TTC34: variants seen among roughly 807,000 people sequenced by gnomAD.
TTC34 encodes tetratricopeptide repeat domain 34, also known as tetratricopeptide repeat protein 34.
In TTC34, 44 loss-of-function variants were observed where a neutral mutation model predicts 40.7. The observed-to-expected ratio is 1.08, with a 90% confidence interval of 0.85 to 1.39. TTC34 has a LOEUF of 1.39. TTC34 is among the 40% of genes most tolerant of loss of function. TTC34 has a pLI of 0.00. For missense variants in TTC34, 884 were observed against 838.0 expected (o/e 1.05, Z -0.68); for synonymous variants, 422 against 398.6 (o/e 1.06, Z -0.70).
In TTC34 at chr1:2,752,070, G is replaced by T. The variant is rs1252823104; in HGVS notation, c.2226+31539C>A. On this transcript the variant is annotated intron_variant, in intron 6 of 8. Transcript: ENST00000401095. ...GACACCCCCAGGCGAACATCTGAACGCACGGAGCAGCACCCACACCTTCAG... is the reference window on the plus strand; with the variant it reads ...GACACCCCCAGGCGAACATCTGAACTCACGGAGCAGCACCCACACCTTCAG... Among the ~76,000 whole-genome samples, 2 of 95,312 alleles carry T rather than the reference G, an allele frequency of 2.1e-5. 1 individual carries two copies. Among genetic ancestry groups the T allele is most frequent in the African/African-American group, 1.0e-4 (2 of 19,562 alleles). The allele number at this position is 95,312 out of a possible 152,430, so 62.5% of individuals were successfully genotyped here. A position where few individuals can be genotyped will look rare whatever the true frequency, so the allele number is the denominator to read the frequency against.
At chr1:2,760,040 A>AGC (rs1641644744) in intron 6 of TTC34, among the ~76,000 whole-genome samples, 4 of 84,120 alleles carry the variant, frequency 4.8e-5, no homozygotes, top group Non-Finnish European at 8.9e-5. Flanking sequence ...CAGCGCCCAC[A>AGC]CACCCAAGTG....
At chr1:2,798,801 CT>C in intron 2 of TTC34, among the ~76,000 whole-genome samples, 8 of 125,750 alleles carry the variant, frequency 6.4e-5, no homozygotes, top group East Asian at 2.5e-4. Flanking sequence ...CTCCCAGCCT[CT>C]CAGCCTTCAA....
chr1:2,749,945 G>C (rs1187866562), intron 6 of TTC34, among the ~76,000 whole-genome samples: 1 of 69,608 alleles, frequency 1.4e-5, no homozygotes, highest in African/African-American at 7.8e-5. Flanking sequence ...GCATCTGACG[G>C]CCTGGAACAG....
At chr1:2,752,873 T>G (rs1355571029) in intron 6 of TTC34, among the ~76,000 whole-genome samples, 3 of 116,938 alleles carry the variant, frequency 2.6e-5, no homozygotes, top group African/African-American at 6.5e-5. Context: ...GAGCATCTGA[T>G]GGCCTGGAAC....
At chr1:2,784,848 T>C (rs566827325) in intron 5 of TTC34, among the ~76,000 whole-genome samples, 28 of 152,388 alleles carry the variant, frequency 1.8e-4, no homozygotes, top group Non-Finnish European at 8.8e-5. Flanking sequence ...CTTCAGTCTC[T>C]TGCCTCGGCA....
intron 6 of TTC34, among the ~76,000 whole-genome samples, chr1:2,685,954 C>T (rs1238580097): frequency 1.2e-4 from 17 of 142,652 alleles, no homozygotes; most frequent in African/African-American, 2.7e-5. Flanking sequence ...GGAACAGCAC[C>T]CACACCCACA....
In TTC34 at chr1:2,641,220, G is replaced by T. The variant is rs1237579681; in HGVS notation, c.*148C>A. On this transcript the variant is annotated 3_prime_UTR_variant, in exon 9 of 9. Coordinates refer to ENST00000401095, the Ensembl canonical transcript of TTC34. ...GGGTTGTGGGGAGGGTTGGGAAGGG[G>T]TGTGTGGGGAGGGCTGGGAAGGGGG... 3.6e-6 allele frequency: 3 copies of T among 825,384 alleles called. No homozygotes were observed. In the Admixed American group the frequency reaches 1.1e-4, roughly 30 times the overall value. 51.1% of individuals were successfully genotyped at this position (825,384 alleles called of 1,614,324 possible). A position where few individuals can be genotyped will look rare whatever the true frequency, so the allele number is the denominator to read the frequency against.
chr1:2,686,672 G>A (rs1420482249), intron 6 of TTC34, among the ~76,000 whole-genome samples: 362 of 21,030 alleles, frequency 0.017, no homozygotes, highest in Admixed American at 0.038. Context: ...GCCTGGAACA[G>A]CACCCTGCAC....
At chr1:2,674,943 A>G (rs113226619) in intron 6 of TTC34, among the ~76,000 whole-genome samples, 2 of 107,156 alleles carry the variant, frequency 1.9e-5, no homozygotes, top group Non-Finnish European at 4.2e-5. Context: ...ATCTGACAAC[A>G]GGGAGCAGCA....
intron 2 of TTC34, among the ~76,000 whole-genome samples, chr1:2,798,059 A>G (rs1313358127): frequency 6.6e-6 from 1 of 150,750 alleles, no homozygotes; most frequent in Non-Finnish European, 1.5e-5. Context: ...CCAGCCTCCC[A>G]GCCTCTCAGC....
At chr1:2,691,627 C>A (rs1302437479) in intron 6 of TTC34, among the ~76,000 whole-genome samples, 11 of 110,374 alleles carry the variant, frequency 1.0e-4, no homozygotes, top group Non-Finnish European at 1.2e-4. Flanking sequence ...CCTGCACCCC[C>A]AGGTGCGCAC....
Position 2,645,587 on chromosome 1 carries a change from G to GGGGGCCCCCC in TTC34, c.2227-25_2227-24insGGGGGGCCCC. On this transcript the variant is annotated intron_variant, in intron 6 of 8. Transcript: ENST00000401095. This position sits in a 1 kb window ranked among gnomAD's most constrained non-coding sequence, Gnocchi z 4.7. ...TCCTGCAAGGAGGGAGGGCGGGCGG[G>GGGGGCCCCCC]TGCAGAGTTGTCCTAAGTAGAGAAA... 1 of 229,534 alleles carries GGGGGCCCCCC rather than the reference G, an allele frequency of 4.4e-6. No individual in the cohort carries two copies. Among genetic ancestry groups the GGGGGCCCCCC allele is most frequent in the Admixed American group, 5.7e-5 (1 of 17,698 alleles). The allele number at this position is 229,534 out of a possible 1,614,324, so 14.2% of individuals were successfully genotyped here.
At chr1:2,755,535 AC>A (rs1352671138) in intron 6 of TTC34, among the ~76,000 whole-genome samples, 1 of 99,690 alleles carries the variant, frequency 1.0e-5, no homozygotes, top group Non-Finnish European at 1.8e-5. Flanking sequence ...CTGGAACAGT[AC>A]CCACACCCAC....
chr1:2,685,780 C>A (rs1570812030), intron 6 of TTC34, among the ~76,000 whole-genome samples: 2 of 139,822 alleles, frequency 1.4e-5, no homozygotes, highest in Admixed American at 7.1e-5. Context: ...CATCTGACAG[C>A]CTGGAACAGA....
In TTC34 at chr1:2,685,119, C is replaced by T. The variant is rs1447186979; in HGVS notation, c.2227-39556G>A. Among the ~76,000 whole-genome samples the T allele has an allele frequency of 9.8e-5, 13 of 132,162 alleles. 1 individual carries two copies. The highest frequency in any genetic ancestry group is 4.1e-4 in the African/African-American group (13 of 31,592). 86.7% of individuals were successfully genotyped at this position (132,162 alleles called of 152,430 possible). On this transcript the variant is annotated intron_variant, in intron 6 of 8. Coordinates refer to ENST00000401095, the Ensembl canonical transcript of TTC34. ...TGACAGCTTGGATCAGCACCCACAC[C>T]CCCAGGCGAGCATCGGACGGCCTGG... is the stretch of plus-strand genomic sequence containing the variant.
intron 6 of TTC34, among the ~76,000 whole-genome samples, chr1:2,691,918 T>A (rs1640637449): frequency 1.4e-5 from 1 of 72,800 alleles, no homozygotes; most frequent in African/African-American, 4.5e-5. Context: ...CAGGTGAGCA[T>A]CTGACAGTCT....
chr1:2,752,439 C>A (rs1641353600), intron 6 of TTC34, among the ~76,000 whole-genome samples: 6 of 104,690 alleles, frequency 5.7e-5, no homozygotes, highest in South Asian at 6.6e-4. Context: ...CAGCCTGGAA[C>A]AGCACCCTGC....
In TTC34 at chr1:2,698,549, C is replaced by T. The variant is rs972501327; in HGVS notation, c.2227-52986G>A. Among the ~76,000 whole-genome samples the T allele has an allele frequency of 4.9e-4, 58 of 117,626 alleles. 1 individual carries two copies. Among genetic ancestry groups the T allele is most frequent in the African/African-American group, 1.8e-3 (54 of 30,158 alleles). 77.2% of individuals were successfully genotyped at this position (117,626 alleles called of 152,430 possible). A position where few individuals can be genotyped will look rare whatever the true frequency, so the allele number is the denominator to read the frequency against. ...ACACCCCCAGGTGAGCATCGGGCAGCCTGGAGCAGCACCCACACCCCCAGA... is the reference window on the plus strand; with the variant it reads ...ACACCCCCAGGTGAGCATCGGGCAGTCTGGAGCAGCACCCACACCCCCAGA... On this transcript the variant is annotated intron_variant, in intron 6 of 8. Coordinates refer to ENST00000401095, the Ensembl canonical transcript of TTC34.
At chr1:2,687,748 C>A (rs1420250008) in intron 6 of TTC34, among the ~76,000 whole-genome samples, 3 of 141,762 alleles carry the variant, frequency 2.1e-5, no homozygotes, top group African/African-American at 8.9e-5. Context: ...CATCCGACAG[C>A]CTGGAGCAGA....
Sources: allele counts gnomAD v4.1 joint callset (sites outside exome capture counted in the v4.1 genomes callset), GRCh38; gene constraint gnomAD v4.1.1; non-coding constraint Gnocchi (gnomAD v3.1); transcripts MANE v1.5; gene names NCBI Gene and HGNC (gene_info 2026-07-23, HGNC 2026-07-21).